Variants in PCDHGA5 observed in about 807,000 individuals in gnomAD.
The protein encoded by PCDHGA5 is protocadherin gamma subfamily A, 5.
Under a neutral mutation model 56.7 loss-of-function variants are expected in PCDHGA5, and 36 were observed. The observed-to-expected ratio is 0.64, with a 90% CI of 0.49 to 0.84. The LOEUF (loss-of-function observed/expected upper bound fraction) is 0.84, where lower values mean the gene tolerates loss of function less well. Ranked by LOEUF, PCDHGA5 falls within the 40% of genes least tolerant of loss-of-function variation. The probability of loss-of-function intolerance (pLI) is 0.00; values close to 1 mark genes in which losing one functional copy is unlikely to be tolerated. For missense variants in PCDHGA5, 1,305 were observed against 1,201.5 expected, an observed-to-expected ratio of 1.09 and a Z score of -1.27; for synonymous variants, 563 against 520.2, an observed-to-expected ratio of 1.08 and a Z score of -1.12.
intron 1 of PCDHGA5, chr5:141,413,424 G>T: frequency 6.2e-7 from 1 of 1,614,086 alleles, no homozygotes; most frequent in Non-Finnish European, 8.5e-7. Flanking sequence ...CTCTGAACCC[G>T]CGCAGCGGCA....
At chr5:141,371,504 AAC>A (rs780003626) in intron 1 of PCDHGA5, 7 of 1,613,916 alleles carry the variant, frequency 4.3e-6, no homozygotes, top group Non-Finnish European at 5.9e-6. Context: ...CCCTGATCAA[AAC>A]ACATGATCTA....
intron 1 of PCDHGA5, chr5:141,413,638 C>T (rs768604791): frequency 4.8e-5 from 78 of 1,613,686 alleles, no homozygotes; most frequent in Middle Eastern, 1.6e-4. Flanking sequence ...TGCGGGAATG[C>T]GTTTTCCTCT....
intron 1 of PCDHGA5, chr5:141,389,993 G>T: frequency 6.2e-7 from 1 of 1,614,016 alleles, no homozygotes; most frequent in Non-Finnish European, 8.5e-7. Flanking sequence ...TCTTCCTCGT[G>T]GCCATGATTC....
At chr5:141,452,193 G>A (rs764434048) in intron 1 of PCDHGA5, among the ~76,000 whole-genome samples, 3 of 151,990 alleles carry the variant, frequency 2.0e-5, no homozygotes, top group Admixed American at 6.6e-5. Context: ...ACCTCAAATT[G>A]TTTTAGATGT....
intron 1 of PCDHGA5, among the ~76,000 whole-genome samples, chr5:141,463,205 A>T (rs2099054933): frequency 6.6e-6 from 1 of 152,080 alleles, no homozygotes; most frequent in Non-Finnish European, 1.5e-5. Context: ...AGACTTGGGG[A>T]TCCATATTAA....
At chr5:141,400,237 A>AT in intron 1 of PCDHGA5, 3 of 1,613,870 alleles carry the variant, frequency 1.9e-6, no homozygotes, top group Non-Finnish European at 2.5e-6. Flanking sequence ...CCTGGCCGTG[A>AT]TTCTGGCCGT....
At chr5:141,376,055 G>C in intron 1 of PCDHGA5, 2 of 1,613,350 alleles carry the variant, frequency 1.2e-6, no homozygotes, top group Non-Finnish European at 1.7e-6. Flanking sequence ...CTCCGCCACT[G>C]TCACGCTCAC....
chr5:141,397,907 G>C, intron 1 of PCDHGA5: 1 of 663,426 alleles, frequency 1.5e-6, no homozygotes, highest in Non-Finnish European at 2.5e-6. Context: ...AGAGCTTGGC[G>C]CTCCAGATCT....
rs1226463441 is a variant in PCDHGA5, at chr5:141,432,906, T to A, written c.2422-61901T>A. 6.2e-7 allele frequency: 1 copy of A among 1,614,176 alleles called. No individual in the cohort carries two copies. The highest frequency in any genetic ancestry group is 8.5e-7 in the Non-Finnish European group (1 of 1,180,002). ...GTCATCTTGCTGCTGGCGCTCAGGC[T>A]GCGGCGCTGGCACAAGTCACGCCTG... On this transcript the variant is annotated intron_variant, in intron 1 of 3. Coordinates refer to ENST00000518069, the MANE Select transcript of PCDHGA5 (RefSeq NM_018918.3). The surrounding 1 kb of genome is among the most constrained non-coding windows in gnomAD (Gnocchi z 6.0).
In PCDHGA5 at chr5:141,365,220, A is replaced by G. The variant is rs777231006; in HGVS notation, c.890A>G (p.Asn297Ser). The change falls in exon 1 of 4, where the codon AAC (asparagine) becomes AGC (serine). Residue 297 changes from asparagine (N) to serine (S), a missense_variant. Asn to Ser is a conservative substitution (Grantham distance 46). Coordinates refer to ENST00000518069, the MANE Select transcript of PCDHGA5 (RefSeq NM_018918.3). ...KISETFQLDS[N>S]LGEISTLQSL... ...TCGGAGACTTTCCAACTTGATTCCA[A>G]CCTGGGGGAAATCTCAACTCTACAA... 6.2e-7 allele frequency: 1 copy of G among 1,613,958 alleles called. No homozygotes were observed. Among genetic ancestry groups the G allele is most frequent in the East Asian group, 2.2e-5 (1 of 44,886 alleles).
chr5:141,402,915 C>G (rs1232523303), intron 1 of PCDHGA5: 2 of 1,564,688 alleles, frequency 1.3e-6, no homozygotes, highest in Admixed American at 1.9e-5. Flanking sequence ...GCAGCGCGCA[C>G]AGAGATCCTT....
In PCDHGA5 at chr5:141,388,167, A is replaced by G. The variant is rs2091267491; in HGVS notation, c.2421+21416A>G. On this transcript the variant is annotated intron_variant, in intron 1 of 3. Coordinates refer to ENST00000518069, the MANE Select transcript of PCDHGA5 (RefSeq NM_018918.3). ...GAGCAGCAGGCTAGACAGGGAGGAG[A>G]TATGCGGGAAGAAGCCAGCTTGTGC... 4.1e-6 allele frequency: 6 copies of G among 1,478,972 alleles called. No individual in the cohort carries two copies. In the African/African-American group the frequency reaches 5.7e-5, roughly 14 times the overall value. 91.6% of individuals were successfully genotyped at this position (1,478,972 alleles called of 1,614,324 possible). A position where few individuals can be genotyped will look rare whatever the true frequency, so the allele number is the denominator to read the frequency against.
Position 141,430,867 on chromosome 5 carries a change from G to T in PCDHGA5, c.2422-63940G>T, listed in dbSNP as rs1157718106. ...GCACCCAGATACGCTATTCAGTTCC[G>T]GAAGAGCTGGAGAAAGGCTCTAGGG... On this transcript the variant is annotated intron_variant, in intron 1 of 3. Coordinates refer to ENST00000518069, the MANE Select transcript of PCDHGA5 (RefSeq NM_018918.3). 2.5e-6 allele frequency: 4 copies of T among 1,596,238 alleles called. No individual in the cohort carries two copies. In the East Asian group the frequency reaches 8.9e-5, roughly 36 times the overall value.
At chr5:141,480,497 A>G (rs909585240) in intron 1 of PCDHGA5, among the ~76,000 whole-genome samples, 6 of 152,236 alleles carry the variant, frequency 3.9e-5, no homozygotes, top group Non-Finnish European at 8.8e-5. Flanking sequence ...CCTTAGAAAT[A>G]CACATATGAG....
intron 1 of PCDHGA5, chr5:141,392,975 GGA>G: frequency 6.2e-7 from 1 of 1,613,862 alleles, no homozygotes; most frequent in Non-Finnish European, 8.5e-7. Context: ...ACCTGGGGCT[GGA>G]CCCCCGGAAG....
intron 1 of PCDHGA5, among the ~76,000 whole-genome samples, chr5:141,458,248 G>A (rs173682): frequency 3.3e-5 from 5 of 152,112 alleles, no homozygotes; most frequent in African/African-American, 9.7e-5. Flanking sequence ...AAAATGATAC[G>A]GCTCTGATGA....
At chr5:141,448,850 C>A (rs1227646790) in intron 1 of PCDHGA5, among the ~76,000 whole-genome samples, 1 of 152,048 alleles carries the variant, frequency 6.6e-6, no homozygotes, top group Non-Finnish European at 1.5e-5. Context: ...GAGGCTGAGG[C>A]AGGAGAATGG....
chr5:141,466,203 C>G (rs1291051063), intron 1 of PCDHGA5, among the ~76,000 whole-genome samples: 1 of 151,914 alleles, frequency 6.6e-6, no homozygotes, highest in Non-Finnish European at 1.5e-5. Context: ...CACAGCCTTG[C>G]TCTGTTACCC....
intron 2 of PCDHGA5, among the ~76,000 whole-genome samples, chr5:141,504,259 G>A (rs1325093588): frequency 6.6e-6 from 1 of 152,126 alleles, no homozygotes; most frequent in Non-Finnish European, 1.5e-5. Flanking sequence ...TTATGGTTTA[G>A]TATTTTTTTA....
Sources: gnomAD v4.1 joint callset for allele counts (sites outside exome capture counted in the v4.1 genomes callset) on GRCh38, gnomAD v4.1.1 for gene constraint, Gnocchi (gnomAD v3.1) non-coding constraint, MANE v1.5 for transcripts, NCBI Gene and HGNC (gene_info 2026-07-23, HGNC 2026-07-21) for gene names.